Variants in PDE4DIP observed in about 807,000 individuals in gnomAD.
The protein encoded by PDE4DIP is myomegalin.
PDE4DIP carries 59 observed loss-of-function variants against 221.4 expected under a neutral mutation model. The observed-to-expected ratio is 0.27, with a 90% CI of 0.22 to 0.33. The LOEUF (loss-of-function observed/expected upper bound fraction) is 0.33. Ranked by LOEUF, PDE4DIP falls within the 10% of genes least tolerant of loss-of-function variation. PDE4DIP has a pLI of 1.00. For missense variants in PDE4DIP, 1,036 were observed against 2,154.2 expected (o/e 0.48, Z 10.28); for synonymous variants, 404 against 815.9 (o/e 0.50, Z 8.60).
At chr1:148,827,722 T>A (rs1670938840) in intron 1 of PDE4DIP, among the ~76,000 whole-genome samples, 1 of 120,286 alleles carries the variant, frequency 8.3e-6, no homozygotes, top group Admixed American at 8.7e-5. Flanking sequence ...TGTGTGTGTG[T>A]GTGTAAAGAG....
At chr1:148,990,105 C>T (rs1457626054) in intron 21 of PDE4DIP, 1 of 460,748 alleles carries the variant, frequency 2.2e-6, no homozygotes, top group Non-Finnish European at 2.8e-6. Context: ...GAAACCTAAG[C>T]TGTTATCACA....
At chr1:149,021,919 A>G (rs1236606202) in intron 37 of PDE4DIP, among the ~76,000 whole-genome samples, 1 of 144,450 alleles carries the variant, frequency 6.9e-6, no homozygotes, top group Non-Finnish European at 1.5e-5. Flanking sequence ...TAAATGGAGA[A>G]GGGTATTCAA....
chr1:148,958,696 GATA>G (rs1243430898), intron 5 of PDE4DIP, among the ~76,000 whole-genome samples: 13 of 149,844 alleles, frequency 8.7e-5, no homozygotes, highest in East Asian at 3.9e-4. Flanking sequence ...TATTATCTCA[GATA>G]ATAATGTTAT....
At chr1:148,964,017 C>G (rs1409094152) in intron 9 of PDE4DIP, among the ~76,000 whole-genome samples, 2 of 151,834 alleles carry the variant, frequency 1.3e-5, no homozygotes, top group Non-Finnish European at 1.5e-5. Flanking sequence ...CTCAGCCTCC[C>G]AAAGTGCTGA....
chr1:148,967,666 T>G lies in PDE4DIP; in HGVS notation c.1606-60T>G, dbSNP rs150431310. ...TTTAAAAGTGGATCTAATTTCTTGT[T>G]TATCCTGAGGAGTATGGGGTAATCA... On this transcript the variant is annotated intron_variant, in intron 12 of 43. Coordinates refer to ENST00000369354, the Ensembl canonical transcript of PDE4DIP. The G allele has an allele frequency of 2.9e-4, 184 of 641,646 alleles. No homozygotes were observed. The African/African-American group carries it at 3.1e-3, about 11-fold the overall frequency. The allele number at this position is 641,646 out of a possible 1,614,324, so 39.7% of individuals were successfully genotyped here. A position where few individuals can be genotyped will look rare whatever the true frequency, so the allele number is the denominator to read the frequency against.
chr1:148,877,086 A>G (rs1691732907), intron 3 of PDE4DIP, among the ~76,000 whole-genome samples: 1 of 146,888 alleles, frequency 6.8e-6, no homozygotes, highest in African/African-American at 2.7e-5. Flanking sequence ...TACCAATACA[A>G]TATTAGTACT....
At chr1:148,996,529 G>A (rs1458823671) in intron 22 of PDE4DIP, among the ~76,000 whole-genome samples, 10 of 152,100 alleles carry the variant, frequency 6.6e-5, no homozygotes, top group African/African-American at 2.4e-4. Flanking sequence ...GTCCAAGTAA[G>A]ATTGGGTGCC....
intron 2 of PDE4DIP, chr1:148,930,752 A>G (rs2047800134): frequency 6.7e-6 from 1 of 148,982 alleles, no homozygotes; most frequent in African/African-American, 2.5e-5. Context: ...GGAAGAATCA[A>G]TATCATTAAA....
chr1:149,006,025 C>T (rs1336518430), intron 27 of PDE4DIP, among the ~76,000 whole-genome samples: 3 of 152,114 alleles, frequency 2.0e-5, no homozygotes, highest in South Asian at 2.1e-4. Context: ...CCCAGCTATT[C>T]GGGAGGCTGA....
intron 3 of PDE4DIP, among the ~76,000 whole-genome samples, chr1:148,877,238 A>G (rs1553419974): frequency 6.7e-6 from 1 of 149,982 alleles, no homozygotes; most frequent in Non-Finnish European, 1.5e-5. Context: ...AATATTACAA[A>G]AAATAAGATC....
Position 148,893,065 on chromosome 1 carries a change from C to CTGTGTGTG in PDE4DIP, c.141+3201_141+3208dup, listed in dbSNP as rs60364665. ...ATTATTTATATATATATGTGTGTGT[C>CTGTGTGTG]TGTGTGTGTGTGTGTGTGTGTGTGT... On this transcript the variant is annotated intron_variant, in intron 1 of 43. Coordinates refer to ENST00000369354, the Ensembl canonical transcript of PDE4DIP. Among the ~76,000 whole-genome samples the CTGTGTGTG allele has an allele frequency of 4.2e-3, 329 of 77,638 alleles. 2 individuals are homozygous for CTGTGTGTG. The highest frequency in any genetic ancestry group is 8.0e-3 in the African/African-American group (136 of 16,904). 50.9% of individuals were successfully genotyped at this position (77,638 alleles called of 152,430 possible). A position where few individuals can be genotyped will look rare whatever the true frequency, so the allele number is the denominator to read the frequency against.
In PDE4DIP at chr1:149,026,754, ATTCCCCAGCTCTGGTC is replaced by A. The variant is rs781915268; in HGVS notation, c.6379_6394del (p.Val2127LeufsTer11). 3.5e-6 allele frequency: 2 copies of A among 573,670 alleles called. No individual in the cohort carries two copies. Among genetic ancestry groups the A allele is most frequent in the Non-Finnish European group, 6.2e-6 (2 of 323,582 alleles). 35.5% of individuals were successfully genotyped at this position (573,670 alleles called of 1,614,324 possible). On this transcript the variant is annotated frameshift_variant, in exon 39 of 44. Transcript: ENST00000369354. LOFTEE classifies it high-confidence loss of function. ...CCTCCAGTCCGGGATGTTGGTATGA[ATTCCCCAGCTCTGGTC>A]TTCCCCAGCTCTGCTTCCTCTACTC...
chr1:148,838,644 T>A (rs1463187864), intron 1 of PDE4DIP, among the ~76,000 whole-genome samples: 5 of 127,834 alleles, frequency 3.9e-5, no homozygotes, highest in South Asian at 5.9e-4. Context: ...ATGGCTCCTT[T>A]TTTAGCCCAC....
At chr1:148,889,200 T>C (rs1407968874), upstream of PDE4DIP, among the ~76,000 whole-genome samples, 5 of 152,068 alleles carry the variant, frequency 3.3e-5, no homozygotes, top group South Asian at 2.1e-4. Flanking sequence ...GTCTTTTCTA[T>C]AGCAACCTTA....
At chr1:148,948,457 G>C (rs2052335953) in intron 5 of PDE4DIP, among the ~76,000 whole-genome samples, 2 of 146,018 alleles carry the variant, frequency 1.4e-5, no homozygotes, top group Non-Finnish European at 3.0e-5. Context: ...GGGTGACACA[G>C]TGAGTCTCCG....
In PDE4DIP at chr1:148,953,600, T is replaced by C. The variant is rs782642345; in HGVS notation, c.637-7054T>C. ...AAAGGAACTTGGAAAGTGTGACTGT[T>C]GTTCAGATGATCAGGCTCCGCAGCA... On this transcript the variant is annotated intron_variant, in intron 5 of 43. Transcript: ENST00000369354. 13 of 1,590,382 alleles carry C rather than the reference T, an allele frequency of 8.2e-6. No individual in the cohort carries two copies. In the African/African-American group the frequency reaches 1.5e-4, roughly 18 times the overall value.
chr1:148,980,151 A>G (rs2060845562), intron 20 of PDE4DIP, among the ~76,000 whole-genome samples: 1 of 152,240 alleles, frequency 6.6e-6, no homozygotes. Flanking sequence ...CACTCAATGT[A>G]TGTTCATTTC....
chr1:149,013,975 A>G (rs1175970033), intron 32 of PDE4DIP, among the ~76,000 whole-genome samples: 3 of 151,708 alleles, frequency 2.0e-5, no homozygotes, highest in African/African-American at 7.3e-5. Context: ...TTTTGTAGAG[A>G]CAGGGTTTCG....
rs187903156 is a variant in PDE4DIP at position 148,952,344 on chromosome 1, C to G, written c.637-8310C>G. ...AGAAGAGCCTTGTGGAGGCCGCAGA[C>G]GCGAAGCCGCTGGCGCCATCTTGAA... On this transcript the variant is annotated intron_variant, in intron 5 of 43. Transcript: ENST00000369354. 5.4e-3 allele frequency: 5,658 copies of G among 1,051,096 alleles called. 17 individuals carry two copies. Among genetic ancestry groups the G allele is most frequent in the Non-Finnish European group, 6.1e-3 (5,311 of 868,972 alleles). The allele number at this position is 1,051,096 out of a possible 1,614,324, so 65.1% of individuals were successfully genotyped here. A position where few individuals can be genotyped will look rare whatever the true frequency, so the allele number is the denominator to read the frequency against.
Sources: gnomAD v4.1 joint callset for allele counts (sites outside exome capture counted in the v4.1 genomes callset) on GRCh38, gnomAD v4.1.1 for gene constraint, MANE v1.5 for transcripts, NCBI Gene and HGNC (gene_info 2026-07-23, HGNC 2026-07-21) for gene names.